SUFU: variants seen among roughly 807,000 people sequenced by gnomAD.
SUFU encodes SUFU negative regulator of hedgehog signaling, also known as suppressor of fused homolog.
A neutral mutation model predicts 58.9 loss-of-function variants in SUFU; 7 were observed. The observed-to-expected ratio is 0.12, with a 90% CI of 0.07 to 0.22. The LOEUF is 0.22. Ranked by LOEUF, SUFU falls within the 10% of genes least tolerant of loss-of-function variation. The pLI is 1.00. For synonymous variants in SUFU, 232 were observed against 254.8 expected (o/e 0.91, Z 0.85); for missense variants, 451 against 641.3 (o/e 0.70, Z 3.20).
intron 2 of SUFU, among the ~76,000 whole-genome samples, chr10:102,534,779 GAT>G (rs1488861011): frequency 3.9e-5 from 6 of 152,222 alleles, no homozygotes; most frequent in Admixed American, 1.3e-4. Flanking sequence ...GATACAGAGA[GAT>G]TGTAGAGAAG....
chr10:102,618,852 C>T (rs538065288), intron 10 of SUFU, among the ~76,000 whole-genome samples: 29 of 151,422 alleles, frequency 1.9e-4, no homozygotes, highest in Admixed American at 1.2e-3. Context: ...GTCTCCTGGG[C>T]GGAGCTGCTG....
chr10:102,583,855 C>G (rs895974271), intron 3 of SUFU, among the ~76,000 whole-genome samples: 4 of 152,112 alleles, frequency 2.6e-5, no homozygotes, highest in East Asian at 1.9e-4. Flanking sequence ...ATCCCTCCCC[C>G]CTCTCCCCAC....
intron 11 of SUFU, 103 bp downstream of exon 11, chr10:102,627,346 G>A (rs41297161): frequency 1.9e-6 from 2 of 1,061,924 alleles, no homozygotes; most frequent in East Asian, 4.7e-5. Context: ...TGTACCTGTG[G>A]TGCGTGTGTG....
chr10:102,593,181 A>G (rs1482223698), intron 4 of SUFU, among the ~76,000 whole-genome samples: 1 of 152,196 alleles, frequency 6.6e-6, no homozygotes, highest in African/African-American at 2.4e-5. Context: ...CTAATAAGGA[A>G]GGGAGGAGTT....
chr10:102,504,163 T>G lies in SUFU; in HGVS notation c.11T>G (p.Leu4Arg), dbSNP rs1297525468. MAE[L>R]RPSGAPGPTA... Reference sequence around the variant, plus strand: ...GCCCTACGCACCCCGATGGCGGAGCTGCGGCCTAGCGGCGCCCCCGGCCCC... The same window carrying G: ...GCCCTACGCACCCCGATGGCGGAGCGGCGGCCTAGCGGCGCCCCCGGCCCC... The change falls in exon 1 of 12, where the codon CTG becomes CGG. Residue 4 changes from leucine (L) to arginine (R), a missense_variant. By Grantham distance (102) the Leu-to-Arg change is moderately radical. Transcript: ENST00000369902. 1 of 1,545,218 alleles carries G rather than the reference T, an allele frequency of 6.5e-7. No individual in the cohort carries two copies. The highest frequency in any genetic ancestry group is 8.7e-7 in the Non-Finnish European group (1 of 1,146,758).
chr10:102,555,731 T>C (rs1230616061), intron 3 of SUFU, among the ~76,000 whole-genome samples: 1 of 152,202 alleles, frequency 6.6e-6, no homozygotes, highest in Non-Finnish European at 1.5e-5. Flanking sequence ...AGATTGGGTG[T>C]AGGTCTATCA....
chr10:102,601,048 G>T (rs2063510990), intron 8 of SUFU, among the ~76,000 whole-genome samples: 1 of 152,140 alleles, frequency 6.6e-6, no homozygotes, highest in African/African-American at 2.4e-5. Flanking sequence ...TCTCGCTTTG[G>T]GCCTCCTTGG....
chr10:102,547,883 G>T (rs1287985734), intron 2 of SUFU, among the ~76,000 whole-genome samples: 1 of 152,104 alleles, frequency 6.6e-6, no homozygotes, highest in African/African-American at 2.4e-5. Flanking sequence ...GGGCATGGTG[G>T]CTCATATCTG....
chr10:102,572,636 C>T (rs1223285738), intron 3 of SUFU: 1 of 488,266 alleles, frequency 2.0e-6, no homozygotes, highest in South Asian at 1.9e-5. Context: ...GATCCACCCT[C>T]CTTGGCCTCC....
chr10:102,597,025 A>G (rs998339650), intron 6 of SUFU, 115 bp from the exon 7 acceptor site: 21 of 1,269,190 alleles, frequency 1.7e-5, no homozygotes, highest in Non-Finnish European at 2.4e-5. Context: ...CATTTGTCCC[A>G]TGCTCAGCAC....
At chr10:102,538,034 T>C (rs2031604) in intron 2 of SUFU, among the ~76,000 whole-genome samples, 134,060 of 152,198 alleles carry the variant, frequency 0.88, 59,412 homozygotes, top group Middle Eastern at 0.92. Flanking sequence ...GTAAGGGTCC[T>C]AATTTCATGA....
At chr10:102,546,622 G>A (rs2062858579) in intron 2 of SUFU, among the ~76,000 whole-genome samples, 1 of 152,230 alleles carries the variant, frequency 6.6e-6, no homozygotes, top group Non-Finnish European at 1.5e-5. Flanking sequence ...ACCAAGCCAG[G>A]CCCCTCCAGG....
chr10:102,619,175 C>G lies in SUFU; in HGVS notation c.1296+1747C>G. ...TCAGCAGCTCAAGAACCTTGGCCCC[C>G]ACAGGACTTCGCAGATGTCACATTG... On this transcript the variant is annotated intron_variant, in intron 10 of 11. Transcript: ENST00000369902. This position sits in a 1 kb window ranked among gnomAD's most constrained non-coding sequence, Gnocchi z 4.2. 6.2e-7 allele frequency: 1 copy of G among 1,608,784 alleles called. No homozygotes were observed. The highest frequency in any genetic ancestry group is 8.5e-7 in the Non-Finnish European group (1 of 1,179,406).
chr10:102,623,291 A>G (rs1021536052), intron 10 of SUFU, among the ~76,000 whole-genome samples: 6 of 152,336 alleles, frequency 3.9e-5, no homozygotes, highest in Non-Finnish European at 7.4e-5. Context: ...GTCAAGATAT[A>G]TGTATTCACT....
Position 102,633,110 on chromosome 10 carries a change from C to T in SUFU, c.*2955C>T, listed in dbSNP as rs905582130. On this transcript the variant is annotated 3_prime_UTR_variant, in exon 12 of 12. Coordinates refer to ENST00000369902, the MANE Select transcript of SUFU (RefSeq NM_016169.4). ...AGGGAGAAAACCTGAAGGTCGGTGC[C>T]CCTATGGGGCTGACCAGTAGAGAAT... 5.1e-5 allele frequency: 12 copies of T among 233,222 alleles called. No homozygotes were observed. The highest frequency in any genetic ancestry group is 8.5e-5 in the Non-Finnish European group (10 of 118,028). 14.4% of individuals were successfully genotyped at this position (233,222 alleles called of 1,614,324 possible).
intron 2 of SUFU, among the ~76,000 whole-genome samples, chr10:102,530,139 G>A (rs2062659891): frequency 6.6e-6 from 1 of 152,122 alleles, no homozygotes; most frequent in Non-Finnish European, 1.5e-5. Flanking sequence ...GAGAAAGGTG[G>A]AGCTGGGGTT....
At chr10:102,573,289 G>A in intron 3 of SUFU, 1 of 610,134 alleles carries the variant, frequency 1.6e-6, no homozygotes, top group Non-Finnish European at 2.9e-6. Flanking sequence ...ACAGCCGTTA[G>A]AATGGCTACT....
At position 102,621,477 on chromosome 10, in the gene SUFU, C is replaced by T. The variant is rs574234114; in HGVS notation, c.1296+4049C>T. Among the ~76,000 whole-genome samples the T allele has an allele frequency of 2.0e-5, 3 of 152,322 alleles. No individual in the cohort carries two copies. The East Asian group carries it at 5.8e-4, about 29-fold the overall frequency. The stretch of plus-strand genomic sequence containing the variant: ...ACTAAGAACAGGAAATGAGCGAGAC[C>T]TGTGCCCCAACTGCAGCCCGCTACC... On this transcript the variant is annotated intron_variant, in intron 10 of 11. Transcript: ENST00000369902.
chr10:102,572,397 T>TTC (rs1293337972), intron 3 of SUFU, among the ~76,000 whole-genome samples: 1 of 148,518 alleles, frequency 6.7e-6, no homozygotes, highest in East Asian at 2.0e-4. Context: ...TCTTTCTTTT[T>TTC]TTTTTTTTTT....
Sources: allele counts gnomAD v4.1 joint callset (sites outside exome capture counted in the v4.1 genomes callset), GRCh38; gene constraint gnomAD v4.1.1; non-coding constraint Gnocchi (gnomAD v3.1); transcripts MANE v1.5; gene names NCBI Gene and HGNC (gene_info 2026-07-23, HGNC 2026-07-21).